Variants in RBMS1 observed in about 807,000 individuals in gnomAD.
The protein encoded by RBMS1 is RNA binding motif single stranded interacting protein 1.
In RBMS1, 17 loss-of-function variants were observed where a neutral mutation model predicts 62.3. The ratio of observed to expected loss-of-function variants is 0.27; its 90% CI spans 0.19 to 0.41. The LOEUF is 0.41. Among genes scored for constraint, RBMS1 ranks in the 10% least tolerant of loss-of-function variants. The probability of loss-of-function intolerance (pLI) is 1.00; values close to 1 mark genes in which losing one functional copy is unlikely to be tolerated. For missense variants in RBMS1, 334 were observed against 504.5 expected (o/e 0.66, Z 3.24); for synonymous variants, 172 against 170.0 (o/e 1.01, Z -0.09).
intron 1 of RBMS1, among the ~76,000 whole-genome samples, chr2:160,369,467 AC>A (rs1440621113): frequency 6.6e-6 from 1 of 152,292 alleles, no homozygotes; most frequent in East Asian, 1.9e-4. Flanking sequence ...TAGCCCACAC[AC>A]CTGCCTCCTG....
chr2:160,408,130 A>G (rs1395094660), intron 1 of RBMS1, among the ~76,000 whole-genome samples: 1 of 151,646 alleles, frequency 6.6e-6, no homozygotes, highest in African/African-American at 2.4e-5. Flanking sequence ...GGCTCCCCGC[A>G]TGCCGCACAT....
chr2:160,481,138 T>TA (rs1685353332), intron 1 of RBMS1, among the ~76,000 whole-genome samples: 1 of 147,894 alleles, frequency 6.8e-6, no homozygotes. Flanking sequence ...CATGTTCACC[T>TA]AGTTTACAAC....
intron 1 of RBMS1, among the ~76,000 whole-genome samples, chr2:160,385,231 T>C (rs568432035): frequency 1.3e-5 from 2 of 152,352 alleles, no homozygotes; most frequent in South Asian, 2.1e-4. Context: ...TTTTATTTCC[T>C]GATATCCAGG....
intron 1 of RBMS1, among the ~76,000 whole-genome samples, chr2:160,393,434 C>T (rs1694963148): frequency 6.6e-6 from 1 of 152,160 alleles, no homozygotes; most frequent in African/African-American, 2.4e-5. Flanking sequence ...CCATAATGTA[C>T]TCTAAAATAT....
intron 1 of RBMS1, among the ~76,000 whole-genome samples, chr2:160,454,987 A>G (rs1490141513): frequency 6.6e-6 from 1 of 152,214 alleles, no homozygotes; most frequent in African/African-American, 2.4e-5. Flanking sequence ...CTTAAAAGTT[A>G]AATTCAAACC....
chr2:160,493,641 G>T lies in RBMS1; in HGVS notation c.-278C>A. 1 of 521,052 alleles carries T rather than the reference G, an allele frequency of 1.9e-6. No homozygotes were observed. Among genetic ancestry groups the T allele is most frequent in the Non-Finnish European group, 3.5e-6 (1 of 288,214 alleles). The allele number at this position is 521,052 out of a possible 1,614,324, so 32.3% of individuals were successfully genotyped here. On this transcript the variant is annotated 5_prime_UTR_variant, in exon 1 of 14. Coordinates refer to ENST00000348849, the MANE Select transcript of RBMS1 (RefSeq NM_016836.4). Reference sequence around the variant, plus strand: ...AGAGCGCAGAGGGCACCCCGGACAGGGCGCTCCCAAGGAGTTTCCTCCCGG... The same window carrying T: ...AGAGCGCAGAGGGCACCCCGGACAGTGCGCTCCCAAGGAGTTTCCTCCCGG...
At chr2:160,458,971 A>G (rs535976091) in intron 1 of RBMS1, among the ~76,000 whole-genome samples, 1 of 152,362 alleles carries the variant, frequency 6.6e-6, no homozygotes, top group African/African-American at 2.4e-5. Context: ...GCCACAAATC[A>G]GAAGTGCTCA....
In RBMS1 at chr2:160,425,133, G is replaced by T. The variant is rs36032533; in HGVS notation, c.76-57742C>A. ...TCCTGCCAGTGTGGCTGCTTAAATG[G>T]GGCAGTGTGAAGTGAGAGCATTTAA... On this transcript the variant is annotated intron_variant, in intron 1 of 13. Transcript: ENST00000348849. Among the ~76,000 whole-genome samples the T allele has an allele frequency of 2.6e-5, 4 of 152,136 alleles. No individual in the cohort carries two copies. The East Asian group carries it at 7.7e-4, about 29-fold the overall frequency.
intron 1 of RBMS1, among the ~76,000 whole-genome samples, chr2:160,489,434 G>C (rs1272942664): frequency 6.6e-6 from 1 of 152,092 alleles, no homozygotes; most frequent in African/African-American, 2.4e-5. Context: ...TTCATTAGAT[G>C]CAACAGTTTT....
chr2:160,305,496 G>A (rs1559351852), intron 4 of RBMS1, among the ~76,000 whole-genome samples: 1 of 152,206 alleles, frequency 6.6e-6, no homozygotes, highest in Non-Finnish European at 1.5e-5. Context: ...TGTACAGCAA[G>A]CTACACCATC....
At chr2:160,282,247 T>C (rs751197794) in intron 9 of RBMS1, 2 of 1,367,810 alleles carry the variant, frequency 1.5e-6, no homozygotes, top group Non-Finnish European at 2.0e-6. Context: ...AAGAATGTAT[T>C]GCGATTTACC....
intron 1 of RBMS1, among the ~76,000 whole-genome samples, chr2:160,471,691 GTA>G (rs368982549): frequency 0.031 from 2,037 of 65,942 alleles, 172 homozygotes; most frequent in African/African-American, 0.086. Flanking sequence ...ATCCTTTGGT[GTA>G]TATATATATA....
chr2:160,474,709 T>A (rs888592099), intron 1 of RBMS1, among the ~76,000 whole-genome samples: 1 of 152,192 alleles, frequency 6.6e-6, no homozygotes, highest in African/African-American at 2.4e-5. Flanking sequence ...ATAATCAAAC[T>A]TAGAGCTTGT....
chr2:160,302,325 G>T (rs1331631754), intron 5 of RBMS1, among the ~76,000 whole-genome samples: 2 of 151,764 alleles, frequency 1.3e-5, no homozygotes, highest in Admixed American at 6.6e-5. Context: ...TTCCCCTGCA[G>T]CTGGGACTAT....
intron 2 of RBMS1, among the ~76,000 whole-genome samples, chr2:160,358,104 A>G (rs1018792114): frequency 6.6e-6 from 1 of 152,190 alleles, no homozygotes; most frequent in Non-Finnish European, 1.5e-5. Flanking sequence ...CAAGAGATGA[A>G]TGGGAAGAAG....
At chr2:160,441,461 C>T (rs564529347) in intron 1 of RBMS1, among the ~76,000 whole-genome samples, 1 of 152,354 alleles carries the variant, frequency 6.6e-6, no homozygotes, top group East Asian at 1.9e-4. Flanking sequence ...CAGTGACTCA[C>T]ACCTGTAATC....
At chr2:160,481,078 T>TAAAAAAAA (rs71006610) in intron 1 of RBMS1, among the ~76,000 whole-genome samples, 1 of 112,488 alleles carries the variant, frequency 8.9e-6, no homozygotes, top group East Asian at 2.6e-4. Context: ...GAGACTGCCT[T>TAAAAAAAA]AAAAAAAAAA....
At chr2:160,419,607 G>A (rs953268619) in intron 1 of RBMS1, among the ~76,000 whole-genome samples, 8 of 152,098 alleles carry the variant, frequency 5.3e-5, no homozygotes, top group Non-Finnish European at 1.0e-4. Context: ...GAAAATGTCC[G>A]CAATTCAAGT....
At chr2:160,384,138 A>C (rs921310398) in intron 1 of RBMS1, among the ~76,000 whole-genome samples, 2 of 152,228 alleles carry the variant, frequency 1.3e-5, no homozygotes, top group Middle Eastern at 3.2e-3. Flanking sequence ...CGGAGCTTGC[A>C]GTGAGCCAAG....
Sources: allele counts gnomAD v4.1 joint callset (sites outside exome capture counted in the v4.1 genomes callset), GRCh38; gene constraint gnomAD v4.1.1; transcripts MANE v1.5; gene names NCBI Gene and HGNC (gene_info 2026-07-23, HGNC 2026-07-21).